HACL1: variants seen among roughly 807,000 people sequenced by gnomAD.
HACL1 encodes 1600020H07Rik.
HACL1 carries 64 observed loss-of-function variants against 74.2 expected under a neutral mutation model. The observed-to-expected ratio is 0.86, with a 90% confidence interval of 0.70 to 1.06. The LOEUF (loss-of-function observed/expected upper bound fraction) is 1.06, where lower values mean the gene tolerates loss of function less well. Among genes scored for constraint, HACL1 ranks in the 50% least tolerant of loss-of-function variants. HACL1 has a pLI of 0.00. For missense variants in HACL1, 728 were observed against 719.7 expected, an observed-to-expected ratio of 1.01 and a Z score of -0.13; for synonymous variants, 230 against 238.8, an observed-to-expected ratio of 0.96 and a Z score of 0.34.
chr3:15,571,819 C>A, intron 11 of HACL1, 50 bp from the exon 12 acceptor site: 1 of 477,986 alleles, frequency 2.1e-6, no homozygotes, highest in Non-Finnish European at 3.6e-6. Context: ...TTTTTCTTTG[C>A]CTTTTTTTTC....
intron 16 of HACL1, 93 bp from the exon 17 acceptor site, chr3:15,560,990 C>G: frequency 1.0e-6 from 1 of 983,992 alleles, no homozygotes; most frequent in Non-Finnish European, 1.6e-6. Flanking sequence ...CCTAAAAGTC[C>G]TACACAATGG....
chr3:15,560,995 C>A, intron 16 of HACL1, 98 bp from the exon 17 acceptor site: 1 of 913,490 alleles, frequency 1.1e-6, no homozygotes, highest in South Asian at 1.4e-5. Flanking sequence ...AAGTCCTACA[C>A]AATGGTGGCA....
Position 15,567,854 on chromosome 3 carries a change from T to C in HACL1, c.1399A>G (p.Thr467Ala), listed in dbSNP as rs764106453. 1 of 1,613,866 alleles carries C rather than the reference T, an allele frequency of 6.2e-7. No homozygotes were observed. The highest frequency in any genetic ancestry group is 8.5e-7 in the Non-Finnish European group (1 of 1,179,700). ...AGGATGATGTTTTACCTGCAGATGG[T>C]TTCTACCTCCATGCCAGAAAACCCA... ...AFGFSGMEVE[T>A]ICRYNLPIIL... Residue 467 changes from threonine to alanine, a missense_variant, in exon 14 of 17, where the codon ACC becomes GCC. Thr to Ala is a moderately conservative substitution (Grantham distance 58, BLOSUM62 0). Transcript: ENST00000321169.
At chr3:15,578,097 CAAAA>C (rs397876768) in intron 9 of HACL1, among the ~76,000 whole-genome samples, 1 of 60,308 alleles carries the variant, frequency 1.7e-5, no homozygotes, top group African/African-American at 5.2e-5. Context: ...GACTCCGTCT[CAAAA>C]AAAAAAAAAA....
intron 3 of HACL1, among the ~76,000 whole-genome samples, chr3:15,592,633 CAT>C (rs200756797): frequency 1.4e-4 from 4 of 27,734 alleles, no homozygotes; most frequent in East Asian, 3.9e-3. Context: ...CATGTACGCA[CAT>C]GTGTGCGTGT....
At chr3:15,586,879 T>C (rs2063804288) in intron 5 of HACL1, among the ~76,000 whole-genome samples, 2 of 152,226 alleles carry the variant, frequency 1.3e-5, no homozygotes, top group South Asian at 4.2e-4. Context: ...AATAGGCACT[T>C]CTATAAACTG....
In HACL1 at chr3:15,595,604, CTTTTTTT is replaced by C. The variant is rs764183329; in HGVS notation, c.227+773_227+779del. ...TAGGTGATTTTCTTCATCTTTTTTC[CTTTTTTT>C]TTTTTTTTTTTTTTTTGAGACGGAG... On this transcript the variant is annotated intron_variant, in intron 3 of 16. Transcript: ENST00000321169. Among the ~76,000 whole-genome samples the C allele has an allele frequency of 7.1e-4, 69 of 97,346 alleles. 4 individuals carry two copies. The East Asian group carries it at 0.018, about 25-fold the overall frequency. The allele number at this position is 97,346 out of a possible 152,430, so 63.9% of individuals were successfully genotyped here. A position where few individuals can be genotyped will look rare whatever the true frequency, so the allele number is the denominator to read the frequency against.
chr3:15,600,973 T>C lies in HACL1; in HGVS notation c.186+117A>G, dbSNP rs965970302. The stretch of plus-strand genomic sequence containing the variant: ...AGTTAATATTCAACAGTGATTGATA[T>C]GATATATGTAAAGTAGCAGAAGAGT... On this transcript the variant is annotated intron_variant, in intron 2 of 16. Transcript: ENST00000321169. The C allele has an allele frequency of 4.4e-6, 3 of 685,538 alleles. No individual in the cohort carries two copies. In the African/African-American group the frequency reaches 5.3e-5, roughly 12 times the overall value. 42.5% of individuals were successfully genotyped at this position (685,538 alleles called of 1,614,324 possible). A position where few individuals can be genotyped will look rare whatever the true frequency, so the allele number is the denominator to read the frequency against.
chr3:15,568,649 A>G (rs191062531), intron 12 of HACL1, 63 bp from the exon 13 acceptor site: 5 of 905,874 alleles, frequency 5.5e-6, no homozygotes, highest in African/African-American at 3.3e-5. Context: ...ACCAATGTTA[A>G]TAAGATGCTA....
intron 3 of HACL1, among the ~76,000 whole-genome samples, chr3:15,592,639 T>C (rs868392442): frequency 6.8e-5 from 1 of 14,632 alleles, no homozygotes; most frequent in Non-Finnish European, 1.3e-4. Context: ...CGCACATGTG[T>C]GCGTGTATAC....
chr3:15,600,875 T>G (rs970626843), intron 2 of HACL1: 39 of 605,500 alleles, frequency 6.4e-5, no homozygotes, highest in Non-Finnish European at 1.1e-4. Context: ...GCTCTGCTAC[T>G]ACCAGCTGTG....
intron 8 of HACL1, among the ~76,000 whole-genome samples, 190 bp from the exon 9 acceptor site, chr3:15,580,235 T>G (rs796339668): frequency 8.5e-5 from 13 of 152,062 alleles, no homozygotes; most frequent in African/African-American, 3.1e-4. Context: ...TCAAGCAATC[T>G]TTCCTCCTCA....
chr3:15,587,277 C>T (rs56161049), intron 5 of HACL1, among the ~76,000 whole-genome samples: 1 of 141,364 alleles, frequency 7.1e-6, no homozygotes, highest in East Asian at 2.1e-4. Context: ...AAACCAGATA[C>T]TTGGATTCTT....
chr3:15,571,092 C>A (rs1306230289), intron 12 of HACL1, among the ~76,000 whole-genome samples: 2 of 152,126 alleles, frequency 1.3e-5, no homozygotes, highest in Admixed American at 6.5e-5. Flanking sequence ...AATCCTCCAA[C>A]CTCAGCCTCC....
At chr3:15,571,606 C>T (rs550493403) in intron 12 of HACL1, 62 bp downstream of exon 12, 8 of 814,374 alleles carry the variant, frequency 9.8e-6, no homozygotes, top group African/African-American at 1.7e-5. Flanking sequence ...TGTCACATTA[C>T]GGCAGAAGTA....
At chr3:15,589,097 T>A (rs2063845739) in intron 5 of HACL1, among the ~76,000 whole-genome samples, 2 of 152,218 alleles carry the variant, frequency 1.3e-5, no homozygotes, top group Non-Finnish European at 2.9e-5. Flanking sequence ...TACCTTTAAG[T>A]TACTTCAGGT....
chr3:15,568,871 T>G (rs1471395596), intron 12 of HACL1, among the ~76,000 whole-genome samples: 1 of 152,146 alleles, frequency 6.6e-6, no homozygotes, highest in Non-Finnish European at 1.5e-5. Flanking sequence ...CATTGAGAAG[T>G]CCTACAGTAA....
At chr3:15,599,969 C>T (rs1275539959) in intron 2 of HACL1, among the ~76,000 whole-genome samples, 1 of 152,056 alleles carries the variant, frequency 6.6e-6, no homozygotes, top group Non-Finnish European at 1.5e-5. Flanking sequence ...GATGAAAGAA[C>T]AGAATGTTGT....
rs111333255 is a variant in HACL1 at position 15,567,941 on chromosome 3, C to T, written c.1312G>A (p.Val438Met). 4.2e-5 allele frequency: 67 copies of T among 1,613,716 alleles called. No individual in the cohort carries two copies. Among genetic ancestry groups the T allele is most frequent in the Non-Finnish European group, 4.7e-5 (56 of 1,179,684 alleles). ...CCAGGGCTTCTATCTTTAGCCACCA[C>T]GGCAGCTGCAATAGCAAATCCCAAA... ...VGLGFAIAAAVVAKDRSPGQW... is the reference protein window; with the variant it reads ...VGLGFAIAAAMVAKDRSPGQW... The change falls in exon 14 of 17, where the codon GTG becomes ATG. Residue 438 changes from valine (V) to methionine (M), a missense_variant. Coordinates refer to ENST00000321169, the MANE Select transcript of HACL1 (RefSeq NM_012260.4).
Sources: gnomAD v4.1 joint callset for allele counts (sites outside exome capture counted in the v4.1 genomes callset) on GRCh38, gnomAD v4.1.1 for gene constraint, MANE v1.5 for transcripts, NCBI Gene and HGNC (gene_info 2026-07-23, HGNC 2026-07-21) for gene names.